OCA2: variants seen among roughly 807,000 people sequenced by gnomAD.
OCA2 encodes the protein OCA2 melanosomal transmembrane protein.
Under a neutral mutation model 100.2 loss-of-function variants are expected in OCA2, and 77 were observed. The observed-to-expected ratio is 0.77, with a 90% CI of 0.64 to 0.93. The LOEUF (loss-of-function observed/expected upper bound fraction) is 0.93, where lower values mean the gene tolerates loss of function less well. OCA2 is among the 40% of genes least tolerant of loss of function. OCA2 has a pLI of 0.00. For missense variants in OCA2, 1,062 were observed against 1,089.1 expected, an observed-to-expected ratio of 0.98 and a Z score of 0.35; for synonymous variants, 432 against 439.2, an observed-to-expected ratio of 0.98 and a Z score of 0.21.
intron 19 of OCA2, among the ~76,000 whole-genome samples, chr15:27,873,912 T>G (rs1014010340): frequency 1.3e-5 from 2 of 152,246 alleles, no homozygotes; most frequent in African/African-American, 4.8e-5. Flanking sequence ...GTGAAGTTTA[T>G]GTACAGTTGA....
chr15:27,895,274 T>G (rs2037639781), intron 19 of OCA2, among the ~76,000 whole-genome samples: 1 of 152,128 alleles, frequency 6.6e-6, no homozygotes, highest in Admixed American at 6.5e-5. Context: ...GAGAACAGAC[T>G]AATACAGTAA....
rs1595796870 is a variant in OCA2, at chr15:28,001,632, G to A, written c.1045-10985C>T. Reference sequence around the variant, plus strand: ...AAGGAGGAAAAAAATAAAGAACAAGGAGGAAGGGTGCAGGAAAAATGTTGC... The same window carrying A: ...AAGGAGGAAAAAAATAAAGAACAAGAAGGAAGGGTGCAGGAAAAATGTTGC... On this transcript the variant is annotated intron_variant, in intron 9 of 23. Coordinates refer to ENST00000354638, the MANE Select transcript of OCA2 (RefSeq NM_000275.3). Among the ~76,000 whole-genome samples the A allele has an allele frequency of 2.0e-5, 3 of 152,308 alleles. No individual in the cohort carries two copies. The East Asian group carries it at 5.8e-4, about 29-fold the overall frequency.
intron 9 of OCA2, among the ~76,000 whole-genome samples, chr15:28,001,565 C>T (rs760180042): frequency 6.6e-6 from 1 of 152,094 alleles, no homozygotes; most frequent in East Asian, 1.9e-4. Flanking sequence ...TAACCAACTA[C>T]TTGCCAAAAA....
intron 2 of OCA2, 31 bp from the exon 3 acceptor site, chr15:28,032,194 C>T (rs181633051): frequency 9.8e-5 from 145 of 1,472,912 alleles, no homozygotes; most frequent in Non-Finnish European, 1.3e-4. Context: ...AACAGAATCA[C>T]CAACACAGAA....
intron 23 of OCA2, among the ~76,000 whole-genome samples, chr15:27,780,352 C>T (rs1246268158): frequency 6.6e-6 from 1 of 152,202 alleles, no homozygotes. Context: ...TCTGGGCATT[C>T]CCCTTTGGAA....
chr15:28,028,204 T>C lies in OCA2; in HGVS notation c.327-145A>G, dbSNP rs2290100. ...CACAGACAGTGGTGCACTCTCATAC[T>C]GGTGGGAATGGGTTTTTTTGTGACC... On this transcript the variant is annotated intron_variant, in intron 3 of 23. Coordinates refer to ENST00000354638, the MANE Select transcript of OCA2 (RefSeq NM_000275.3). 0.064 allele frequency: 59,516 copies of C among 933,662 alleles called. 9,574 individuals carry two copies. In the East Asian group the frequency reaches 0.65, roughly 10 times the overall value. 57.8% of individuals were successfully genotyped at this position (933,662 alleles called of 1,614,324 possible).
intron 23 of OCA2, among the ~76,000 whole-genome samples, chr15:27,814,234 A>G (rs2034190803): frequency 6.6e-6 from 1 of 152,102 alleles, no homozygotes; most frequent in Non-Finnish European, 1.5e-5. Context: ...AAGAAAAAAC[A>G]CAGAATTTTA....
chr15:27,776,724 C>A (rs1405155335), intron 23 of OCA2: 1 of 152,320 alleles, frequency 6.6e-6, no homozygotes, highest in Non-Finnish European at 1.5e-5. Context: ...GTCAGCATCC[C>A]AGAACACGGC....
intron 13 of OCA2, 22 bp from the exon 14 acceptor site, chr15:27,983,505 G>C: frequency 1.2e-6 from 2 of 1,613,916 alleles, no homozygotes; most frequent in Non-Finnish European, 1.7e-6. Flanking sequence ...GGAGGAAAAT[G>C]AAAGTAGTCC....
At chr15:27,890,881 C>T (rs576536087) in intron 19 of OCA2, among the ~76,000 whole-genome samples, 36 of 152,188 alleles carry the variant, frequency 2.4e-4, no homozygotes, top group African/African-American at 8.7e-4. Context: ...CAAAAATTAG[C>T]TGAGCATGGT....
At chr15:27,761,241 G>A (rs1235944519) in intron 23 of OCA2, among the ~76,000 whole-genome samples, 1 of 151,724 alleles carries the variant, frequency 6.6e-6, no homozygotes, top group African/African-American at 2.4e-5. Context: ...AGTAAGTTCA[G>A]CAAGGACTGC....
At chr15:27,780,242 C>T (rs1157597888) in intron 23 of OCA2, among the ~76,000 whole-genome samples, 4 of 152,202 alleles carry the variant, frequency 2.6e-5, no homozygotes, top group Non-Finnish European at 5.9e-5. Context: ...TCTGTTCTCT[C>T]GGGCTTCTGT....
chr15:28,026,384 A>G (rs1296344423), intron 4 of OCA2, among the ~76,000 whole-genome samples: 6 of 152,208 alleles, frequency 3.9e-5, no homozygotes, highest in Non-Finnish European at 8.8e-5. Flanking sequence ...AGCGTTTGCC[A>G]TCTTGTTGAC....
chr15:28,001,404 C>T (rs2041920471), intron 9 of OCA2, among the ~76,000 whole-genome samples: 2 of 152,056 alleles, frequency 1.3e-5, no homozygotes, highest in Admixed American at 6.6e-5. Context: ...ACTGCATGAT[C>T]CCACTTATAT....
intron 23 of OCA2, among the ~76,000 whole-genome samples, chr15:27,818,717 G>T (rs1225888557): frequency 1.3e-5 from 2 of 152,180 alleles, no homozygotes; most frequent in East Asian, 1.9e-4. Context: ...ACTCTACTGA[G>T]CTCTTGCATT....
chr15:27,936,283 G>A (rs1349475115), intron 18 of OCA2, among the ~76,000 whole-genome samples: 1 of 152,172 alleles, frequency 6.6e-6, no homozygotes, highest in Admixed American at 6.5e-5. Flanking sequence ...AGGGCACATG[G>A]GATGAGCTGG....
chr15:27,749,860 T>C, the OCA2 span, among the ~76,000 whole-genome samples: 2 of 152,210 alleles, frequency 1.3e-5, no homozygotes, highest in African/African-American at 4.8e-5. Flanking sequence ...GAGAGACATA[T>C]CATGTCCAAG....
chr15:27,861,223 C>T (rs1227942295), intron 21 of OCA2, among the ~76,000 whole-genome samples: 1 of 152,154 alleles, frequency 6.6e-6, no homozygotes, highest in East Asian at 1.9e-4. Flanking sequence ...TGGCTCTCAG[C>T]CTCAGGGGCT....
intron 2 of OCA2, among the ~76,000 whole-genome samples, chr15:28,065,561 CTT>C (rs1233127145): frequency 6.6e-6 from 1 of 152,144 alleles, no homozygotes; most frequent in Non-Finnish European, 1.5e-5. Flanking sequence ...TTCCACAACT[CTT>C]AGTGCTGGTT....
Sources: allele counts gnomAD v4.1 joint callset (sites outside exome capture counted in the v4.1 genomes callset), GRCh38; gene constraint gnomAD v4.1.1; transcripts MANE v1.5; gene names NCBI Gene and HGNC (gene_info 2026-07-23, HGNC 2026-07-21).